MARK3: variants seen among roughly 807,000 people sequenced by gnomAD.
MARK3 encodes the protein MAP/microtubule affinity-regulating kinase 3.
A neutral mutation model predicts 90.1 loss-of-function variants in MARK3; 46 were observed. The ratio of observed to expected loss-of-function variants is 0.51; its 90% CI spans 0.40 to 0.65. MARK3 has a LOEUF of 0.65. Ranked by LOEUF, MARK3 falls within the 30% of genes least tolerant of loss-of-function variation. The probability of loss-of-function intolerance (pLI) is 0.00; values close to 1 mark genes in which losing one functional copy is unlikely to be tolerated. For missense variants in MARK3, 818 were observed against 947.2 expected, an observed-to-expected ratio of 0.86 and a Z score of 1.79; for synonymous variants, 321 against 332.6, an observed-to-expected ratio of 0.97 and a Z score of 0.38.
intron 2 of MARK3, among the ~76,000 whole-genome samples, chr14:103,425,493 C>T (rs1017206878): frequency 6.6e-6 from 1 of 151,912 alleles, no homozygotes; most frequent in Non-Finnish European, 1.5e-5. Context: ...GAACTCCTGA[C>T]CTCAGGTGAT....
chr14:103,390,681 A>G (rs146445491), intron 1 of MARK3, among the ~76,000 whole-genome samples: 127 of 152,314 alleles, frequency 8.3e-4, no homozygotes, highest in African/African-American at 2.9e-3. Context: ...ATGCAGCCCT[A>G]GGGCTGTGGG....
At chr14:103,489,977 G>C (rs1396069243) in intron 14 of MARK3, 1 of 152,170 alleles carries the variant, frequency 6.6e-6, no homozygotes, top group Admixed American at 6.6e-5. Context: ...TTTTTATCTT[G>C]GAGTAAATGT....
intron 3 of MARK3, among the ~76,000 whole-genome samples, chr14:103,448,332 A>G (rs1021966739): frequency 3.3e-5 from 5 of 152,124 alleles, no homozygotes; most frequent in African/African-American, 7.2e-5. Flanking sequence ...TCTAATGTCA[A>G]TATGAAGGGG....
At chr14:103,429,318 G>A (rs1464015720) in intron 3 of MARK3, 1 of 152,202 alleles carries the variant, frequency 6.6e-6, no homozygotes, top group Non-Finnish European at 1.5e-5. Context: ...TAACTTTGCT[G>A]GACCTTGGGT....
At chr14:103,443,001 T>A (rs1387073572) in intron 3 of MARK3, among the ~76,000 whole-genome samples, 17 of 143,986 alleles carry the variant, frequency 1.2e-4, no homozygotes, top group Non-Finnish European at 1.5e-5. Flanking sequence ...GATAAGCTAC[T>A]AAGTGCTGCC....
At chr14:103,463,639 C>G (rs112713384) in intron 7 of MARK3, among the ~76,000 whole-genome samples, 59 of 152,280 alleles carry the variant, frequency 3.9e-4, no homozygotes, top group African/African-American at 1.4e-3. Flanking sequence ...TTACACTATC[C>G]AAGGCCAGAC....
chr14:103,432,807 G>A (rs1014589704), intron 3 of MARK3, among the ~76,000 whole-genome samples: 2 of 152,188 alleles, frequency 1.3e-5, no homozygotes, highest in Admixed American at 6.5e-5. Context: ...AGTGAGCTGT[G>A]ATGGTGCCCC....
chr14:103,453,952 G>A (rs757272780), intron 5 of MARK3, among the ~76,000 whole-genome samples: 4 of 152,190 alleles, frequency 2.6e-5, no homozygotes, highest in Non-Finnish European at 4.4e-5. Flanking sequence ...GGTCAGTCAC[G>A]GCTTTCTGTT....
At chr14:103,417,055 A>T (rs2091973883) in intron 2 of MARK3, among the ~76,000 whole-genome samples, 1 of 152,170 alleles carries the variant, frequency 6.6e-6, no homozygotes, top group African/African-American at 2.4e-5. Flanking sequence ...GAGGTTGGTG[A>T]CCAAGGATTT....
At chr14:103,439,093 A>T (rs1237483871) in intron 3 of MARK3, among the ~76,000 whole-genome samples, 2 of 152,148 alleles carry the variant, frequency 1.3e-5, no homozygotes, top group Non-Finnish European at 2.9e-5. Context: ...ATTTTTTAAA[A>T]TTTAGTTTTT....
At chr14:103,462,126 A>G (rs2093414087) in intron 6 of MARK3, among the ~76,000 whole-genome samples, 1 of 152,028 alleles carries the variant, frequency 6.6e-6, no homozygotes, top group Admixed American at 6.6e-5. Context: ...GGGTCCTGGC[A>G]CTACACTGTA....
Position 103,428,412 on chromosome 14 carries a change from C to G in MARK3, c.269C>G (p.Thr90Ser). ...GTTGCAATAAAAATAATTGACAAAA[C>G]TCAGTTGAATCCAACAAGTCTACAA... ...REVAIKIIDK[T>S]QLNPTSLQKL... Residue 90 changes from threonine to serine, a missense_variant, in exon 3 of 18, where the codon ACT becomes AGT. By Grantham distance (58) the Thr-to-Ser change is moderately conservative. Around this residue, in one of 3 missense-constraint regions of MARK3, gnomAD observed 157 missense variants for 158.7 expected, o/e 0.99. Transcript: ENST00000429436. The G allele has an allele frequency of 6.7e-7, 1 of 1,499,294 alleles. No individual in the cohort carries two copies. Among genetic ancestry groups the G allele is most frequent in the Non-Finnish European group, 9.0e-7 (1 of 1,106,642 alleles). 92.9% of individuals were successfully genotyped at this position (1,499,294 alleles called of 1,614,324 possible).
At chr14:103,408,585 C>T (rs144974348) in intron 2 of MARK3, among the ~76,000 whole-genome samples, 8 of 152,264 alleles carry the variant, frequency 5.3e-5, no homozygotes, top group Admixed American at 2.0e-4. Context: ...ACACATATGG[C>T]GTAGCATTCA....
intron 7 of MARK3, among the ~76,000 whole-genome samples, chr14:103,463,829 C>G (rs777913711): frequency 2.6e-5 from 4 of 152,178 alleles, no homozygotes; most frequent in East Asian, 1.9e-4. Context: ...ATTGCTCTTA[C>G]GATGAAAACC....
At chr14:103,461,383 C>T (rs979251370) in intron 6 of MARK3, among the ~76,000 whole-genome samples, 4 of 151,958 alleles carry the variant, frequency 2.6e-5, no homozygotes, top group Non-Finnish European at 5.9e-5. Flanking sequence ...TTTAAGTGAC[C>T]GTAAGTGTGA....
chr14:103,401,515 C>T (rs1416813631), intron 1 of MARK3, among the ~76,000 whole-genome samples: 3 of 152,092 alleles, frequency 2.0e-5, no homozygotes, highest in Non-Finnish European at 4.4e-5. Context: ...ATCTCCATGT[C>T]CAGGCCAGTT....
intron 13 of MARK3, among the ~76,000 whole-genome samples, chr14:103,478,756 C>T (rs1411895970): frequency 2.0e-5 from 3 of 152,138 alleles, no homozygotes; most frequent in Non-Finnish European, 4.4e-5. Flanking sequence ...TCAGTCTGGT[C>T]TCGAACTCCC....
intron 2 of MARK3, among the ~76,000 whole-genome samples, chr14:103,414,588 T>TG (rs1305047366): frequency 4.6e-5 from 7 of 152,210 alleles, no homozygotes; most frequent in African/African-American, 1.7e-4. Flanking sequence ...TCTTGCCTAT[T>TG]GAAGAACTAA....
At chr14:103,497,533 CAG>C (rs1415700198) in intron 15 of MARK3, among the ~76,000 whole-genome samples, 4 of 152,070 alleles carry the variant, frequency 2.6e-5, no homozygotes, top group African/African-American at 9.7e-5. Context: ...TTTTAATGAC[CAG>C]AGTTACCCCT....
Sources: gnomAD v4.1 joint callset for allele counts (sites outside exome capture counted in the v4.1 genomes callset) on GRCh38, gnomAD v4.1.1 for gene constraint, gnomAD v4.1.1 regional missense constraint, MANE v1.5 for transcripts, NCBI Gene and HGNC (gene_info 2026-07-23, HGNC 2026-07-21) for gene names.